The following OLFM2 variants were observed in gnomAD, a reference collection of about 807,000 sequenced individuals.
OLFM2 encodes noelin-2.
A neutral mutation model predicts 43.9 loss-of-function variants in OLFM2; 20 were observed. The ratio of observed to expected loss-of-function variants is 0.46; its 90% CI spans 0.32 to 0.66. The LOEUF (loss-of-function observed/expected upper bound fraction) is 0.66, where lower values mean the gene tolerates loss of function less well. Among genes scored for constraint, OLFM2 ranks in the 30% least tolerant of loss-of-function variants. OLFM2 has a pLI of 0.04. For missense variants in OLFM2, 416 were observed against 643.6 expected (o/e 0.65, Z 3.83); for synonymous variants, 268 against 278.6 (o/e 0.96, Z 0.38).
At chr19:9,921,938 A>C (rs2145003538) in intron 1 of OLFM2, among the ~76,000 whole-genome samples, 1 of 152,218 alleles carries the variant, frequency 6.6e-6, no homozygotes, top group African/African-American at 2.4e-5. Context: ...TAAAAAAACT[A>C]CAAAAATTAG....
intron 1 of OLFM2, among the ~76,000 whole-genome samples, chr19:9,871,359 T>A (rs2046440354): frequency 6.6e-6 from 1 of 151,424 alleles, no homozygotes; most frequent in African/African-American, 2.4e-5. Context: ...GATCACAAGG[T>A]CAGGAGTTCG....
At chr19:9,924,101 T>C (rs1599503045) in intron 1 of OLFM2, among the ~76,000 whole-genome samples, 1 of 35,838 alleles carries the variant, frequency 2.8e-5, no homozygotes, top group African/African-American at 1.3e-4. Flanking sequence ...ACCTCGTCTC[T>C]ACAAAAAAAA....
chr19:9,913,766 G>C, intron 1 of OLFM2: 6 of 726,190 alleles, frequency 8.3e-6, no homozygotes, highest in Non-Finnish European at 1.0e-5. Context: ...GGTCCGGGAC[G>C]GGGTGAGGGG....
intron 1 of OLFM2, among the ~76,000 whole-genome samples, chr19:9,868,502 C>T (rs148830766): frequency 5.7e-4 from 87 of 152,184 alleles, no homozygotes; most frequent in Non-Finnish European, 7.8e-4. Flanking sequence ...GCACTGTGTC[C>T]AGCCAATTTA....
At chr19:9,865,817 T>TAAAA (rs35276534) in intron 1 of OLFM2, among the ~76,000 whole-genome samples, 8 of 124,136 alleles carry the variant, frequency 6.4e-5, no homozygotes, top group African/African-American at 2.0e-4. Flanking sequence ...ATCTCATTCT[T>TAAAA]AAAAAAAAAA....
At chr19:9,912,614 A>T (rs1008450210) in intron 1 of OLFM2, among the ~76,000 whole-genome samples, 1 of 151,882 alleles carries the variant, frequency 6.6e-6, no homozygotes, top group Admixed American at 6.6e-5. Flanking sequence ...TCCTCAGGAC[A>T]CCACGGGGAG....
At chr19:9,905,721 AT>A (rs1233668225) in intron 1 of OLFM2, among the ~76,000 whole-genome samples, 1 of 151,836 alleles carries the variant, frequency 6.6e-6, no homozygotes. Context: ...GAAGCTGTGG[AT>A]CCTTGTCCTG....
chr19:9,876,406 G>A (rs748483675), intron 1 of OLFM2, among the ~76,000 whole-genome samples: 8 of 152,100 alleles, frequency 5.3e-5, no homozygotes, highest in African/African-American at 1.4e-4. Flanking sequence ...GGGAGGCCTC[G>A]AAGGCTGGAC....
intron 1 of OLFM2, among the ~76,000 whole-genome samples, chr19:9,929,774 T>C (rs2086471974): frequency 6.6e-6 from 1 of 151,288 alleles, no homozygotes; most frequent in Non-Finnish European, 1.5e-5. Context: ...GCGTGGTGGC[T>C]CACGCCTGTA....
At chr19:9,872,027 T>C (rs903690250) in intron 1 of OLFM2, among the ~76,000 whole-genome samples, 1 of 152,160 alleles carries the variant, frequency 6.6e-6, no homozygotes, top group Non-Finnish European at 1.5e-5. Context: ...AGGCAGAGGC[T>C]GTGGCTTCTC....
chr19:9,859,868 G>A (rs544652974), intron 2 of OLFM2, among the ~76,000 whole-genome samples: 4 of 152,296 alleles, frequency 2.6e-5, no homozygotes, highest in African/African-American at 4.8e-5. Context: ...CAGGCAGGGC[G>A]CAGTGGCTCA....
rs192210722 is a variant in OLFM2 at position 9,877,707 on chromosome 19, G to T, written c.64-16913C>A. Among the ~76,000 whole-genome samples, 6 of 152,246 alleles carry T rather than the reference G, an allele frequency of 3.9e-5. No homozygotes were observed. In the East Asian group the frequency reaches 9.7e-4, roughly 24 times the overall value. On this transcript the variant is annotated intron_variant, in intron 1 of 5. Coordinates refer to ENST00000264833, the MANE Select transcript of OLFM2 (RefSeq NM_058164.4). The stretch of plus-strand genomic sequence containing the variant: ...GCAGTGGGCTATTGACAACAAGAAT[G>T]ATTTTGGTCCAATTTCCTCTCTCTG...
At chr19:9,865,019 G>A (rs1203512921) in intron 1 of OLFM2, among the ~76,000 whole-genome samples, 2 of 151,790 alleles carry the variant, frequency 1.3e-5, no homozygotes, top group Non-Finnish European at 2.9e-5. Flanking sequence ...TATCTTAGGT[G>A]GATACCTGCA....
intron 1 of OLFM2, among the ~76,000 whole-genome samples, chr19:9,901,010 GGAAGGAGGAAGGGAGGGAAGGAAGC>G (rs2046731539): frequency 1.9e-5 from 1 of 53,690 alleles, no homozygotes; most frequent in African/African-American, 7.9e-5. Flanking sequence ...GGGGAGGGAG[GGAAGGAGGAAGGGAGGGAAGGAAGC>G]GGGGAGGGAG....
intron 1 of OLFM2, among the ~76,000 whole-genome samples, chr19:9,901,774 G>A (rs2046742115): frequency 6.6e-6 from 1 of 152,182 alleles, no homozygotes; most frequent in South Asian, 2.1e-4. Flanking sequence ...ACAGGCACCT[G>A]TGAATTCCCA....
At chr19:9,896,707 A>T (rs2046688582) in intron 1 of OLFM2, among the ~76,000 whole-genome samples, 1 of 152,040 alleles carries the variant, frequency 6.6e-6, no homozygotes, top group Non-Finnish European at 1.5e-5. Context: ...TCCAAATTAC[A>T]TCAAATCTCC....
intron 1 of OLFM2, among the ~76,000 whole-genome samples, chr19:9,901,407 C>G (rs539445131): frequency 1.9e-3 from 282 of 151,984 alleles, no homozygotes; most frequent in African/African-American, 6.5e-3. Context: ...GCCTGGGCGA[C>G]AGAGTGAGAC....
rs756926956 is a variant in OLFM2, at chr19:9,857,493, A to C, written c.361-11T>G. On this transcript the variant is annotated splice_polypyrimidine_tract_variant and intron_variant, in intron 3 of 5. Transcript: ENST00000264833. This position sits in a 1 kb window ranked among gnomAD's most constrained non-coding sequence, Gnocchi z 5.7. ...CCTGTCCTTCAGCTCCTGTGCATCA[A>C]GATGGAACCATGGCCAAGCCTGACC... is the stretch of plus-strand genomic sequence containing the variant. 1.9e-6 allele frequency: 3 copies of C among 1,612,840 alleles called. No individual in the cohort carries two copies. The Admixed American group carries it at 5.0e-5, about 27-fold the overall frequency.
intron 1 of OLFM2, among the ~76,000 whole-genome samples, chr19:9,924,782 G>T (rs1049245043): frequency 6.6e-6 from 1 of 152,112 alleles, no homozygotes; most frequent in Non-Finnish European, 1.5e-5. Context: ...AGGCCGTGAC[G>T]TGTGTCACGG....
Sources: allele counts gnomAD v4.1 joint callset (sites outside exome capture counted in the v4.1 genomes callset), GRCh38; gene constraint gnomAD v4.1.1; non-coding constraint Gnocchi (gnomAD v3.1); transcripts MANE v1.5; gene names NCBI Gene and HGNC (gene_info 2026-07-23, HGNC 2026-07-21).